Variants in NRG4 observed in about 807,000 individuals in gnomAD.
NRG4 encodes pro-neuregulin-4, membrane-bound isoform.
A neutral mutation model predicts 15.0 loss-of-function variants in NRG4; 10 were observed. The observed-to-expected ratio is 0.67, with a 90% CI of 0.41 to 1.13. NRG4 has a LOEUF of 1.13. NRG4 is among the 50% of genes most tolerant of loss of function. NRG4 has a pLI of 0.00. For synonymous variants in NRG4, 41 were observed against 50.1 expected (o/e 0.82, Z 0.77); for missense variants, 139 against 140.2 (o/e 0.99, Z 0.04).
intron 5 of NRG4, among the ~76,000 whole-genome samples, chr15:75,952,579 C>T (rs1229222601): frequency 1.0e-4 from 15 of 147,206 alleles, no homozygotes; most frequent in Admixed American, 2.0e-4. Context: ...TCTTTTTTTT[C>T]GCCCTCCTCA....
chr15:76,032,365 C>G (rs6495191), intron 5 of NRG4, among the ~76,000 whole-genome samples: 5,619 of 152,108 alleles, frequency 0.037, 180 homozygotes, highest in African/African-American at 0.085. Flanking sequence ...CATTAGATCT[C>G]AATACCCCCC....
Position 75,961,951 on chromosome 15 carries a change from G to A in NRG4, c.128C>T (p.Ala43Val), listed in dbSNP as rs201414321. The A allele has an allele frequency of 3.1e-6, 5 of 1,613,238 alleles. No homozygotes were observed. The highest frequency in any genetic ancestry group is 1.7e-5 in the Admixed American group (1 of 59,972). Residue 43 changes from alanine to valine, a missense_variant, in exon 4 of 6, where the codon GCT becomes GTT. By Grantham distance (64) the Ala-to-Val change is moderately conservative. Transcript: ENST00000394907. ...TGGGAGAAAAACCTCTTCACAACGA[G>A]CTCCTGTATAGTTTTCAACGCACCT... Reference protein sequence around the residue: ...FCRCVENYTGARCEEVFLPGS... With the variant: ...FCRCVENYTGVRCEEVFLPGS...
At chr15:75,989,342 C>G (rs1045694825) in intron 3 of NRG4, among the ~76,000 whole-genome samples, 1 of 152,048 alleles carries the variant, frequency 6.6e-6, no homozygotes, top group East Asian at 1.9e-4. Context: ...TGTAGCGTGG[C>G]CTACCGATGA....
At chr15:75,991,688 C>G (rs147589461) in intron 3 of NRG4, among the ~76,000 whole-genome samples, 282 of 151,102 alleles carry the variant, frequency 1.9e-3, no homozygotes, top group Non-Finnish European at 3.1e-3. Context: ...GTTAAAATCT[C>G]CAATTAGTGG....
rs113303003 is a variant in NRG4 at position 75,954,586 on chromosome 15, GT to G, written c.331+1345del. ...CTGGGATTACAGGCACCCACCATTG[GT>G]TTTTTTTTTTGTATTTTAGTAGAGA... On this transcript the variant is annotated intron_variant, in intron 5 of 5. Transcript: ENST00000394907. Among the ~76,000 whole-genome samples, 119 of 142,632 alleles carry G rather than the reference GT, an allele frequency of 8.3e-4. 1 individual carries two copies. The highest frequency in any genetic ancestry group is 2.3e-3 in the African/African-American group (90 of 39,244). The allele number at this position is 142,632 out of a possible 152,430, so 93.6% of individuals were successfully genotyped here.
intron 2 of NRG4, chr15:76,053,339 A>G (rs1177404136): frequency 6.6e-6 from 1 of 150,866 alleles, no homozygotes; most frequent in Non-Finnish European, 1.5e-5. Context: ...TGAGCAGGCT[A>G]CTTAATCCCT....
intron 3 of NRG4, among the ~76,000 whole-genome samples, chr15:75,996,073 G>A (rs1461531260): frequency 1.3e-5 from 2 of 152,168 alleles, no homozygotes; most frequent in Non-Finnish European, 2.9e-5. Flanking sequence ...AGTCTACAGA[G>A]AAAAAGAATG....
intron 3 of NRG4, chr15:76,052,315 T>A (rs571326953): frequency 6.6e-6 from 1 of 151,290 alleles, no homozygotes; most frequent in East Asian, 1.9e-4. Flanking sequence ...GACTTTTTAG[T>A]AAGAAGCAGA....
chr15:76,027,072 G>T (rs1005439736), intron 5 of NRG4, among the ~76,000 whole-genome samples: 3 of 152,104 alleles, frequency 2.0e-5, no homozygotes, highest in Non-Finnish European at 4.4e-5. Context: ...AGTGAGCTGA[G>T]ATTGTGCCAC....
rs61345409 is a variant in NRG4, at chr15:75,993,697, CA to C, written c.104+15502del. Among the ~76,000 whole-genome samples, 1,036 of 135,994 alleles carry C rather than the reference CA, an allele frequency of 7.6e-3. 10 individuals are homozygous for C. The highest frequency in any genetic ancestry group is 0.022 in the African/African-American group (812 of 37,626). 89.2% of individuals were successfully genotyped at this position (135,994 alleles called of 152,430 possible). ...TGGGTGACAGAGTGAGACTCACTCT[CA>C]AAAAAAAAAAAAATCTGTTTTTCAT... On this transcript the variant is annotated intron_variant, in intron 3 of 5. Transcript: ENST00000394907.
intron 3 of NRG4, among the ~76,000 whole-genome samples, chr15:76,006,462 G>C (rs2034609112): frequency 6.6e-6 from 1 of 152,086 alleles, no homozygotes; most frequent in Non-Finnish European, 1.5e-5. Flanking sequence ...TGAACCTGCA[G>C]TCACTATTTT....
intron 3 of NRG4, among the ~76,000 whole-genome samples, chr15:75,999,660 T>C (rs967528612): frequency 7.9e-5 from 12 of 152,154 alleles, no homozygotes; most frequent in Non-Finnish European, 2.9e-5. Flanking sequence ...GTCTCAAGTA[T>C]TGTTACAGCA....
intron 3 of NRG4, among the ~76,000 whole-genome samples, chr15:75,979,191 C>T (rs190619457): frequency 1.3e-5 from 2 of 152,144 alleles, no homozygotes; most frequent in Non-Finnish European, 2.9e-5. Flanking sequence ...AAAAAAAAAT[C>T]TTTGCCCAGA....
intron 5 of NRG4, among the ~76,000 whole-genome samples, chr15:75,947,618 G>A (rs1324547679): frequency 6.6e-6 from 1 of 152,182 alleles, no homozygotes; most frequent in Non-Finnish European, 1.5e-5. Context: ...ACAAATATCT[G>A]TTTGAGTCCA....
At chr15:75,936,423 A>C (rs766915590), downstream of NRG4, 2 of 152,222 alleles carry the variant, frequency 1.3e-5, no homozygotes, top group Non-Finnish European at 2.9e-5. Context: ...CTATATAGGG[A>C]AGAATAATCA....
chr15:75,947,552 T>C (rs1386723137), intron 5 of NRG4, among the ~76,000 whole-genome samples: 1 of 152,236 alleles, frequency 6.6e-6, no homozygotes, highest in Non-Finnish European at 1.5e-5. Flanking sequence ...TCTTTTAAAC[T>C]GAAAAGACAA....
At chr15:76,036,490 G>A (rs559973200) in intron 4 of NRG4, among the ~76,000 whole-genome samples, 29 of 152,198 alleles carry the variant, frequency 1.9e-4, no homozygotes, top group African/African-American at 6.5e-4. Flanking sequence ...CAGAGAATGG[G>A]CTCTGGAGCC....
chr15:75,993,384 G>T (rs1227706950), intron 3 of NRG4, among the ~76,000 whole-genome samples: 1 of 131,208 alleles, frequency 7.6e-6, no homozygotes, highest in Non-Finnish European at 1.6e-5. Context: ...AAGTCACTGA[G>T]GATTCTGTAA....
chr15:76,005,572 G>C (rs2034571114), intron 3 of NRG4, among the ~76,000 whole-genome samples: 1 of 150,604 alleles, frequency 6.6e-6, no homozygotes. Context: ...TGTAATCTCA[G>C]CTACTCAGGA....
Sources: allele counts gnomAD v4.1 joint callset (sites outside exome capture counted in the v4.1 genomes callset), GRCh38; gene constraint gnomAD v4.1.1; transcripts MANE v1.5; gene names NCBI Gene and HGNC (gene_info 2026-07-23, HGNC 2026-07-21).